Variants in ENTREP2 observed in about 807,000 individuals in gnomAD.
ENTREP2 encodes the protein endosomal transmembrane epsin interactor 2.
At chr15:29,206,496 C>A in the ENTREP2 span, among the ~76,000 whole-genome samples, 2 of 152,130 alleles carry the variant, frequency 1.3e-5, no homozygotes, top group East Asian at 3.9e-4. Context: ...CACAGTGCAA[C>A]ATGGGTGGAC....
the ENTREP2 span, among the ~76,000 whole-genome samples, chr15:29,459,065 G>A: frequency 6.6e-6 from 1 of 152,152 alleles, no homozygotes; most frequent in Non-Finnish European, 1.5e-5. Flanking sequence ...GGTTGACAAG[G>A]GATTGTTCTG....
At chr15:29,657,483 C>CGGGGGGGGGGGGGGGGGGG in the ENTREP2 span, among the ~76,000 whole-genome samples, 1 of 69,432 alleles carries the variant, frequency 1.4e-5, no homozygotes, top group African/African-American at 6.0e-5. Flanking sequence ...GCTGGGGGGG[C>CGGGGGGGGGGGGGGGGGGG]GGGGGGGGGG....
At chr15:29,390,286 T>C in the ENTREP2 span, among the ~76,000 whole-genome samples, 1 of 152,212 alleles carries the variant, frequency 6.6e-6, no homozygotes, top group Non-Finnish European at 1.5e-5. Flanking sequence ...TGAATCTAGT[T>C]AGCCATGAAA....
At chr15:29,408,089 T>C in the ENTREP2 span, among the ~76,000 whole-genome samples, 8 of 152,166 alleles carry the variant, frequency 5.3e-5, no homozygotes, top group Non-Finnish European at 1.5e-5. Context: ...AAATTTTAGG[T>C]TGCAGATTAT....
At chr15:29,632,667 C>A in the ENTREP2 span, among the ~76,000 whole-genome samples, 1 of 152,150 alleles carries the variant, frequency 6.6e-6, no homozygotes, top group Non-Finnish European at 1.5e-5. Context: ...CACCTGTAAT[C>A]CCAGCTACTC....
the ENTREP2 span, among the ~76,000 whole-genome samples, chr15:29,411,012 C>T: frequency 2.6e-4 from 39 of 152,222 alleles, no homozygotes; most frequent in Non-Finnish European, 5.4e-4. Flanking sequence ...TCTCGAATTC[C>T]TGACCTGGTG....
At chr15:29,298,832 TAGAAAA>T in the ENTREP2 span, among the ~76,000 whole-genome samples, 4 of 151,968 alleles carry the variant, frequency 2.6e-5, no homozygotes, top group African/African-American at 9.7e-5. Context: ...TTCCAGAAAA[TAGAAAA>T]AGAACTATTC....
chr15:29,269,530 C>T, the ENTREP2 span: 3 of 1,525,560 alleles, frequency 2.0e-6, no homozygotes, highest in African/African-American at 1.4e-5. Flanking sequence ...GCCCTGCGAC[C>T]CCTGCGAGCC....
chr15:29,296,670 C>T, the ENTREP2 span, among the ~76,000 whole-genome samples: 1 of 152,016 alleles, frequency 6.6e-6, no homozygotes, highest in African/African-American at 2.4e-5. Flanking sequence ...TCCAGTAATC[C>T]TAGTTACAGT....
chr15:29,575,015 T>G, the ENTREP2 span, among the ~76,000 whole-genome samples: 1 of 152,178 alleles, frequency 6.6e-6, no homozygotes, highest in Non-Finnish European at 1.5e-5. Flanking sequence ...GGAGAAGGAA[T>G]GCGGAGAGGT....
the ENTREP2 span, among the ~76,000 whole-genome samples, chr15:29,164,253 C>T: frequency 7.9e-5 from 12 of 152,266 alleles, no homozygotes; most frequent in South Asian, 2.3e-3. Flanking sequence ...AACAAAAATA[C>T]AAGTTAAAAG....
the ENTREP2 span, among the ~76,000 whole-genome samples, chr15:29,218,916 C>A: frequency 1.3e-5 from 2 of 152,302 alleles, no homozygotes; most frequent in African/African-American, 4.8e-5. Context: ...GCAAGGATTT[C>A]ATGACCAGGA....
At chr15:29,657,475 T>TGGGGG in the ENTREP2 span, among the ~76,000 whole-genome samples, 19 of 3,792 alleles carry the variant, frequency 5.0e-3, no homozygotes, top group African/African-American at 0.025. Flanking sequence ...CGCTGTCGGC[T>TGGGGG]GGGGGGGCGG....
chr15:29,192,220 A>T, the ENTREP2 span, among the ~76,000 whole-genome samples: 1 of 152,344 alleles, frequency 6.6e-6, no homozygotes, highest in Non-Finnish European at 1.5e-5. Context: ...TGACCATCAC[A>T]TACCTAAAGG....
chr15:29,123,269 G>T, the ENTREP2 span: 1 of 1,426,156 alleles, frequency 7.0e-7, no homozygotes, highest in Non-Finnish European at 9.3e-7. Context: ...TCTTTGTCAG[G>T]CATGATGGCT....
At chr15:29,223,930 C>T in the ENTREP2 span, among the ~76,000 whole-genome samples, 1 of 152,178 alleles carries the variant, frequency 6.6e-6, no homozygotes, top group African/African-American at 2.4e-5. Flanking sequence ...TTGCCCGCCC[C>T]CAGCTCGCGC....
the ENTREP2 span, among the ~76,000 whole-genome samples, chr15:29,480,907 C>T: frequency 6.6e-6 from 1 of 152,088 alleles, no homozygotes; most frequent in Admixed American, 6.5e-5. Flanking sequence ...GTGAGGTGGC[C>T]CCCAAGGGCC....
the ENTREP2 span, chr15:29,269,546 G>A: frequency 5.3e-6 from 8 of 1,511,668 alleles, no homozygotes; most frequent in East Asian, 2.2e-4. Flanking sequence ...GAGCCGCCCG[G>A]CCCGCGGGAC....
At chr15:29,380,810 A>G in the ENTREP2 span, among the ~76,000 whole-genome samples, 459 of 152,140 alleles carry the variant, frequency 3.0e-3, 4 homozygotes, top group African/African-American at 0.01. Context: ...TAGTGCATAA[A>G]CAGGCTTTAA....
Sources: allele counts gnomAD v4.1 joint callset (sites outside exome capture counted in the v4.1 genomes callset), GRCh38; gene constraint gnomAD v4.1.1; transcripts MANE v1.5; gene names NCBI Gene and HGNC (gene_info 2026-07-23, HGNC 2026-07-21).